Variants in DMD observed in about 807,000 individuals in gnomAD.
DMD encodes dystrophin, also known as mutant dystrophin.
A neutral mutation model predicts 330.1 loss-of-function variants in DMD; 63 were observed. The ratio of observed to expected loss-of-function variants is 0.19; its 90% CI spans 0.16 to 0.24. The LOEUF is 0.24. DMD is among the 10% of genes least tolerant of loss of function. DMD has a pLI of 1.00. For synonymous variants in DMD, 1,223 were observed against 959.8 expected (o/e 1.27, Z -5.07); for missense variants, 3,344 against 2,684.1 (o/e 1.25, Z -5.43).
intron 65 of DMD, among the ~76,000 whole-genome samples, chrX:31,208,054 G>A (rs755494971): frequency 4.9e-4 from 55 of 111,414 alleles, no homozygotes; most frequent in African/African-American, 1.6e-3. Flanking sequence ...ATTTTATTAC[G>A]GAAAGCTACT....
chrX:31,465,889 A>G (rs2066821424), intron 59 of DMD, among the ~76,000 whole-genome samples: 1 of 111,767 alleles, frequency 8.9e-6, no homozygotes, highest in Non-Finnish European at 1.9e-5. Context: ...CTTTTTAATG[A>G]TCGCCATTGT....
chrX:32,999,280 T>C (rs2093211090), intron 2 of DMD, among the ~76,000 whole-genome samples: 1 of 112,061 alleles, frequency 8.9e-6, no homozygotes, highest in Non-Finnish European at 1.9e-5. Flanking sequence ...TCTTGAAACA[T>C]CATGAGATAT....
intron 43 of DMD, among the ~76,000 whole-genome samples, chrX:32,239,714 C>G (rs1164739194): frequency 8.9e-6 from 1 of 111,790 alleles, no homozygotes; most frequent in Non-Finnish European, 1.9e-5. Flanking sequence ...AAAGCTCTGC[C>G]TTCACCACTA....
At chrX:32,901,660 T>C (rs906155758) in intron 2 of DMD, among the ~76,000 whole-genome samples, 2 of 111,119 alleles carry the variant, frequency 1.8e-5, no homozygotes, top group Non-Finnish European at 3.8e-5. Context: ...GTGCCCTTTT[T>C]AAAATTTTTC....
intron 7 of DMD, among the ~76,000 whole-genome samples, chrX:32,735,953 A>G (rs1319295677): frequency 8.9e-6 from 1 of 111,981 alleles, no homozygotes; most frequent in Non-Finnish European, 1.9e-5. Context: ...GCACAACAAA[A>G]GAAACTACCA....
intron 1 of DMD, among the ~76,000 whole-genome samples, chrX:33,325,658 T>G: frequency 8.9e-6 from 1 of 112,412 alleles, no homozygotes; most frequent in Middle Eastern, 4.6e-3. Context: ...GTTCTCATTT[T>G]CTGATGAAAA....
intron 2 of DMD, among the ~76,000 whole-genome samples, chrX:32,879,361 C>A (rs973692696): frequency 1.3e-4 from 14 of 111,799 alleles, no homozygotes; most frequent in Non-Finnish European, 2.3e-4. Context: ...CTCATCACAG[C>A]TTGTGTTGCT....
At chrX:32,607,225 G>C (rs1262243598) in intron 12 of DMD, among the ~76,000 whole-genome samples, 1 of 110,069 alleles carries the variant, frequency 9.1e-6, no homozygotes, top group Non-Finnish European at 1.9e-5. Flanking sequence ...AGATTTGGTA[G>C]GTGGTGAGGA....
intron 56 of DMD, among the ~76,000 whole-genome samples, chrX:31,506,438 T>C (rs1388599014): frequency 8.9e-6 from 1 of 112,141 alleles, no homozygotes; most frequent in Non-Finnish European, 1.9e-5. Flanking sequence ...ATATTTTTAA[T>C]AAAGAGAAAT....
intron 26 of DMD, among the ~76,000 whole-genome samples, chrX:32,452,426 A>G (rs2098336637): frequency 7.6e-5 from 2 of 26,371 alleles, no homozygotes; most frequent in East Asian, 1.2e-3. Flanking sequence ...GGAAAGGGAA[A>G]GGGAAAGGGA....
chrX:32,932,579 A>T (rs1273039343), intron 2 of DMD, among the ~76,000 whole-genome samples: 2 of 112,251 alleles, frequency 1.8e-5, no homozygotes, highest in Non-Finnish European at 3.8e-5. Flanking sequence ...AATAAATATC[A>T]TAAGGGTGAA....
intron 7 of DMD, among the ~76,000 whole-genome samples, chrX:32,717,127 C>T (rs73458814): frequency 1.2e-4 from 13 of 110,559 alleles, no homozygotes; most frequent in South Asian, 3.9e-4. Context: ...AAGCTGTCTG[C>T]GGAAATTTGC....
At chrX:32,629,179 A>G (rs1269163553) in intron 11 of DMD, among the ~76,000 whole-genome samples, 1 of 111,787 alleles carries the variant, frequency 8.9e-6, no homozygotes, top group Non-Finnish European at 1.9e-5. Context: ...TATTTGATTT[A>G]TACGTCTGGG....
At chrX:32,181,558 A>C (rs2096927103) in intron 44 of DMD, among the ~76,000 whole-genome samples, 1 of 111,930 alleles carries the variant, frequency 8.9e-6, no homozygotes, top group Non-Finnish European at 1.9e-5. Flanking sequence ...TGAACAACCC[A>C]GAATATTACC....
intron 52 of DMD, among the ~76,000 whole-genome samples, chrX:31,721,712 CTCTCTCTATA>C (rs1231217516): frequency 3.4e-3 from 212 of 61,975 alleles, no homozygotes; most frequent in Middle Eastern, 0.017. Flanking sequence ...CTCTCTCTCT[CTCTCTCTATA>C]TATATATATA....
chrX:31,262,196 T>G (rs1195202386), intron 62 of DMD, among the ~76,000 whole-genome samples: 3 of 112,420 alleles, frequency 2.7e-5, no homozygotes, highest in Non-Finnish European at 3.8e-5. Flanking sequence ...CACCATTTGG[T>G]GCTCAATATG....
At position 32,645,127 on chromosome X, in the gene DMD, G is replaced by A. The variant is rs2059701389; in HGVS notation, c.986C>T (p.Ser329Leu). The A allele has an allele frequency of 8.3e-7, 1 of 1,211,455 alleles. No individual in the cohort carries two copies. The highest frequency in any genetic ancestry group is 1.7e-5 in the African/African-American group (1 of 57,751). Residue 329 changes from serine to leucine, a missense_variant, in exon 10 of 79, where the codon TCA becomes TTA. Coordinates refer to ENST00000357033, the MANE Select transcript of DMD (RefSeq NM_004006.3). ...ACTCTCCATCAATGAACTGCCAAAT[G>A]ACTTGTCTTCAGGAGCTTCCAAATG... ...SQHLEAPEDK[S>L]FGSSLMESEV...
chrX:31,192,936 T>G (rs1392155265), intron 67 of DMD, among the ~76,000 whole-genome samples: 1 of 111,945 alleles, frequency 8.9e-6, no homozygotes, highest in Non-Finnish European at 1.9e-5. Flanking sequence ...AACTGAATTA[T>G]ATGCCGATAA....
At chrX:31,805,434 C>G (rs1004053316) in intron 50 of DMD, among the ~76,000 whole-genome samples, 1 of 111,346 alleles carries the variant, frequency 9.0e-6, no homozygotes, top group African/African-American at 3.3e-5. Flanking sequence ...CCCATAATAT[C>G]GAAATTATTA....
Sources: gnomAD v4.1 joint callset for allele counts (sites outside exome capture counted in the v4.1 genomes callset) on GRCh38, gnomAD v4.1.1 for gene constraint, MANE v1.5 for transcripts, NCBI Gene and HGNC (gene_info 2026-07-23, HGNC 2026-07-21) for gene names.